The following SOX5 variants were observed in gnomAD, a reference collection of about 807,000 sequenced individuals.
SOX5 encodes SRY-box transcription factor 5, also known as transcription factor SOX-5.
A neutral mutation model predicts 92.0 loss-of-function variants in SOX5; 9 were observed. The observed-to-expected ratio is 0.10, with a 90% CI of 0.06 to 0.17. The LOEUF is 0.17. SOX5 is among the 10% of genes least tolerant of loss of function. SOX5 has a pLI of 1.00. For missense variants in SOX5, 642 were observed against 944.5 expected, an observed-to-expected ratio of 0.68 and a Z score of 4.20; for synonymous variants, 344 against 336.3, an observed-to-expected ratio of 1.02 and a Z score of -0.25.
At chr12:24,438,782 G>A (rs1260591022) in intron 1 of SOX5, among the ~76,000 whole-genome samples, 1 of 152,214 alleles carries the variant, frequency 6.6e-6, no homozygotes, top group South Asian at 2.1e-4. Flanking sequence ...TTTAATGGAT[G>A]AGGAGTTGCT....
chr12:23,969,664 T>A (rs997850391), intron 4 of SOX5, among the ~76,000 whole-genome samples: 1 of 152,260 alleles, frequency 6.6e-6, no homozygotes, highest in East Asian at 1.9e-4. Context: ...CTCTTCTTTA[T>A]GTCCAGACTA....
At chr12:23,704,731 C>G (rs10734728) in intron 6 of SOX5, among the ~76,000 whole-genome samples, 1 of 130,914 alleles carries the variant, frequency 7.6e-6, no homozygotes. Context: ...CACACACACA[C>G]ATACACACAT....
intron 4 of SOX5, among the ~76,000 whole-genome samples, chr12:24,144,582 G>A (rs1950889754): frequency 6.6e-6 from 1 of 152,130 alleles, no homozygotes; most frequent in African/African-American, 2.4e-5. Context: ...AAGGCAGGAG[G>A]ATCGCTTGAC....
At chr12:24,240,077 T>C (rs1020372168) in intron 3 of SOX5, among the ~76,000 whole-genome samples, 2 of 152,222 alleles carry the variant, frequency 1.3e-5, no homozygotes, top group African/African-American at 4.8e-5. Flanking sequence ...GAAGTCCTAT[T>C]TACTGCCTGA....
intron 3 of SOX5, among the ~76,000 whole-genome samples, chr12:23,838,462 T>C (rs2971155): frequency 0.41 from 61,798 of 151,648 alleles, 14,036 homozygotes; most frequent in Middle Eastern, 0.57. Context: ...CAAAGAATCT[T>C]GTGTATGTAA....
At chr12:23,700,871 A>G (rs953454238) in intron 6 of SOX5, among the ~76,000 whole-genome samples, 1 of 151,936 alleles carries the variant, frequency 6.6e-6, no homozygotes, top group Non-Finnish European at 1.5e-5. Flanking sequence ...TTGATAGCTA[A>G]TAAAAGTTCT....
At chr12:23,582,981 A>G (rs1950243946) in intron 9 of SOX5, among the ~76,000 whole-genome samples, 1 of 151,926 alleles carries the variant, frequency 6.6e-6, no homozygotes, top group Non-Finnish European at 1.5e-5. Flanking sequence ...TTGTTTTCCG[A>G]CTTTGTTGAA....
intron 4 of SOX5, among the ~76,000 whole-genome samples, chr12:24,068,096 G>T (rs1941086120): frequency 6.6e-6 from 1 of 152,210 alleles, no homozygotes; most frequent in Non-Finnish European, 1.5e-5. Context: ...AGTGAGCCAA[G>T]ATTGCGCCAC....
intron 1 of SOX5, among the ~76,000 whole-genome samples, chr12:23,904,820 A>G (rs918435115): frequency 6.6e-6 from 1 of 152,170 alleles, no homozygotes; most frequent in African/African-American, 2.4e-5. Context: ...TGATAAGAAG[A>G]GCAGCACTTT....
At chr12:24,243,829 C>G (rs1333049457) in intron 3 of SOX5, among the ~76,000 whole-genome samples, 1 of 152,034 alleles carries the variant, frequency 6.6e-6, no homozygotes. Context: ...AGTTTCTCCA[C>G]CTAACTACAT....
At chr12:24,117,967 C>A (rs1019721132) in intron 4 of SOX5, among the ~76,000 whole-genome samples, 37 of 148,440 alleles carry the variant, frequency 2.5e-4, no homozygotes, top group African/African-American at 8.8e-4. Flanking sequence ...TGCAGTAAGC[C>A]CAGATGGTGC....
intron 4 of SOX5, among the ~76,000 whole-genome samples, chr12:24,089,906 T>A (rs909618186): frequency 1.3e-5 from 2 of 152,222 alleles, no homozygotes; most frequent in Non-Finnish European, 2.9e-5. Flanking sequence ...GTGGTTCTAA[T>A]GACTTTTCCA....
At chr12:23,642,256 C>A (rs192079155) in intron 7 of SOX5, among the ~76,000 whole-genome samples, 1 of 152,152 alleles carries the variant, frequency 6.6e-6, no homozygotes, top group Admixed American at 6.5e-5. Flanking sequence ...CTTCAAAATA[C>A]CTGGATCTAC....
At chr12:24,195,029 A>G (rs1956876812) in intron 4 of SOX5, among the ~76,000 whole-genome samples, 1 of 152,082 alleles carries the variant, frequency 6.6e-6, no homozygotes, top group Non-Finnish European at 1.5e-5. Context: ...AGAAATGGTC[A>G]TGGTAAAAGT....
At chr12:24,181,132 G>A (rs368737330) in intron 4 of SOX5, among the ~76,000 whole-genome samples, 85 of 152,290 alleles carry the variant, frequency 5.6e-4, no homozygotes, top group African/African-American at 1.8e-3. Flanking sequence ...ATCTTACTGA[G>A]GAATGGTATA....
chr12:24,433,690 T>C (rs563310193), intron 1 of SOX5, among the ~76,000 whole-genome samples: 2 of 152,302 alleles, frequency 1.3e-5, no homozygotes, highest in South Asian at 2.1e-4. Flanking sequence ...TGGCAAGATA[T>C]GAATTTTAAG....
In SOX5 at chr12:24,394,100, A is replaced by G. The variant is rs1256804023; in HGVS notation, c.-250-25461T>C. ...GTCTATTTCAGGCATTTTTCTCGTT[A>G]GAGCTCCGAAATTCATCAGAGTGGG... On this transcript the variant is annotated intron_variant, in intron 1 of 4. Transcript: ENST00000446891. 3.9e-5 allele frequency among the ~76,000 whole-genome samples: 6 copies of G among 152,284 alleles called. No homozygotes were observed. The East Asian group carries it at 1.2e-3, about 29-fold the overall frequency.
intron 13 of SOX5, among the ~76,000 whole-genome samples, chr12:23,542,163 C>G (rs1377340109): frequency 6.6e-6 from 1 of 152,322 alleles, no homozygotes; most frequent in East Asian, 1.9e-4. Context: ...TGTAATGAAT[C>G]AAAAGTGATA....
chr12:24,086,513 A>G (rs1045876587), intron 4 of SOX5, among the ~76,000 whole-genome samples: 24 of 151,982 alleles, frequency 1.6e-4, no homozygotes, highest in South Asian at 6.2e-4. Context: ...AGAATGAGAA[A>G]GAGTAAACTG....
Sources: allele counts gnomAD v4.1 joint callset (sites outside exome capture counted in the v4.1 genomes callset), GRCh38; gene constraint gnomAD v4.1.1; transcripts MANE v1.5; gene names NCBI Gene and HGNC (gene_info 2026-07-23, HGNC 2026-07-21).